SLC49A4: variants seen among roughly 807,000 people sequenced by gnomAD.
SLC49A4 encodes the protein disrupted in renal cancer protein 2.
In SLC49A4, 36 loss-of-function variants were observed where a neutral mutation model predicts 50.6. The observed-to-expected ratio is 0.71, with a 90% CI of 0.55 to 0.94. The LOEUF (loss-of-function observed/expected upper bound fraction) is 0.94, where lower values mean the gene tolerates loss of function less well. Among genes scored for constraint, SLC49A4 ranks in the 40% least tolerant of loss-of-function variants. The pLI, the probability that SLC49A4 is intolerant of heterozygous loss-of-function variation, is 0.00. For missense variants in SLC49A4, 503 were observed against 605.7 expected, an observed-to-expected ratio of 0.83 and a Z score of 1.78; for synonymous variants, 248 against 241.2, an observed-to-expected ratio of 1.03 and a Z score of -0.26.
intron 7 of SLC49A4, among the ~76,000 whole-genome samples, chr3:122,864,286 G>A (rs989479147): frequency 1.3e-5 from 2 of 152,112 alleles, no homozygotes; most frequent in African/African-American, 4.8e-5. Context: ...AGAATAGGGC[G>A]AATAAATAAC....
Position 122,860,191 on chromosome 3 carries a change from C to T in SLC49A4, c.1127C>T (p.Pro376Leu), listed in dbSNP as rs1937042255. Reference protein sequence around the residue: ...LTCLNSITHLPLTTVTLYASC... With the variant: ...LTCLNSITHLLLTTVTLYASC... Reference sequence around the variant, plus strand: ...TGTTTGAACAGCATCACACACCTACCTTTAACCACAGGTGAGCATAGGCTA... The same window carrying T: ...TGTTTGAACAGCATCACACACCTACTTTTAACCACAGGTGAGCATAGGCTA... Residue 376 changes from proline (P) to leucine (L), a missense_variant, in exon 7 of 9, where the codon CCT (proline) becomes CTT (leucine). Pro to Leu is a moderately conservative substitution (Grantham distance 98). Transcript: ENST00000261038. 1 of 1,601,674 alleles carries T rather than the reference C, an allele frequency of 6.2e-7. No individual in the cohort carries two copies.
intron 4 of SLC49A4, among the ~76,000 whole-genome samples, chr3:122,839,914 A>G (rs1199892271): frequency 6.6e-6 from 1 of 152,178 alleles, no homozygotes; most frequent in Non-Finnish European, 1.5e-5. Flanking sequence ...AAAAGTCTTT[A>G]TATGAAAAAG....
At chr3:122,830,234 G>A (rs1051933477) in intron 3 of SLC49A4, among the ~76,000 whole-genome samples, 1 of 152,182 alleles carries the variant, frequency 6.6e-6, no homozygotes, top group Non-Finnish European at 1.5e-5. Context: ...ATATTGTGAA[G>A]ATATCCCCAA....
At chr3:122,871,927 A>G (rs1937200998) in intron 7 of SLC49A4, among the ~76,000 whole-genome samples, 1 of 152,176 alleles carries the variant, frequency 6.6e-6, no homozygotes, top group South Asian at 2.1e-4. Flanking sequence ...AAAATTGAGG[A>G]CTAATTCCAT....
Position 122,795,189 on chromosome 3 carries a change from C to A in SLC49A4, c.-4C>A. On this transcript the variant is annotated 5_prime_UTR_variant, in exon 1 of 9. Transcript: ENST00000261038. ...GGCAGTGGCTTCGCGGGCGACGCGT[C>A]GCCATGGGCTCTCGCTGGAGCAGCG... 1 of 1,315,990 alleles carries A rather than the reference C, an allele frequency of 7.6e-7. No homozygotes were observed. The highest frequency in any genetic ancestry group is 9.6e-7 in the Non-Finnish European group (1 of 1,042,072). The allele number at this position is 1,315,990 out of a possible 1,614,324, so 81.5% of individuals were successfully genotyped here.
rs561052140 is a variant in SLC49A4 at position 122,803,758 on chromosome 3, G to A, written c.344-3099G>A. 3.3e-5 allele frequency among the ~76,000 whole-genome samples: 5 copies of A among 152,186 alleles called. No individual in the cohort carries two copies. The South Asian group carries it at 8.3e-4, about 25-fold the overall frequency. ...GTCAACTCTGCAGCCTGATTCTTTA[G>A]ACATCTGCTGTGGAGATTTCCATTC... On this transcript the variant is annotated intron_variant, in intron 1 of 8. Coordinates refer to ENST00000261038, the MANE Select transcript of SLC49A4 (RefSeq NM_032839.3).
chr3:122,811,825 T>C (rs1245885065), intron 2 of SLC49A4, among the ~76,000 whole-genome samples: 1 of 152,180 alleles, frequency 6.6e-6, no homozygotes, highest in Non-Finnish European at 1.5e-5. Flanking sequence ...TAGTATGTTC[T>C]TACTTGGAAA....
intron 7 of SLC49A4, among the ~76,000 whole-genome samples, chr3:122,863,201 C>T (rs1937077827): frequency 6.6e-6 from 1 of 152,210 alleles, no homozygotes; most frequent in Admixed American, 6.5e-5. Flanking sequence ...GATTTGTCCA[C>T]ATTCCTTCTC....
At position 122,845,821 on chromosome 3, in the gene SLC49A4, G is replaced by A. The variant is rs1936841150; in HGVS notation, c.892G>A (p.Gly298Ser). The A allele has an allele frequency of 1.2e-6, 2 of 1,612,328 alleles. No individual in the cohort carries two copies. Among genetic ancestry groups the A allele is most frequent in the Non-Finnish European group, 1.7e-6 (2 of 1,179,350 alleles). The part of the protein sequence containing the change: ...AYAIPLGVFA[G>S]WSGVLDLILT... ...TGCCATACCACTTGGTGTATTTGCT[G>A]GCTGGTCTGGAGTTCTGGACTTAAT... The change falls in exon 5 of 9, where the codon GGC becomes AGC. Residue 298 changes from glycine to serine, a missense_variant. Physicochemically the swap from Gly to Ser is moderately conservative, Grantham distance 56 (BLOSUM62 0). Transcript: ENST00000261038.
chr3:122,868,798 T>G (rs1937155156), intron 7 of SLC49A4, among the ~76,000 whole-genome samples: 1 of 152,228 alleles, frequency 6.6e-6, no homozygotes, highest in Non-Finnish European at 1.5e-5. Context: ...TCATCACTTT[T>G]ATGGTAATAC....
At chr3:122,870,831 T>G (rs1937187673) in intron 7 of SLC49A4, among the ~76,000 whole-genome samples, 1 of 131,328 alleles carries the variant, frequency 7.6e-6, no homozygotes, top group South Asian at 2.4e-4. Flanking sequence ...ATAATAATAA[T>G]AATAATAATA....
chr3:122,850,687 T>C (rs886895432), intron 5 of SLC49A4, among the ~76,000 whole-genome samples: 2 of 152,102 alleles, frequency 1.3e-5, no homozygotes, highest in African/African-American at 4.8e-5. Context: ...TTTTCAAGTT[T>C]TGTAGAGATG....
chr3:122,816,814 G>C (rs1033584330), intron 2 of SLC49A4, among the ~76,000 whole-genome samples: 2 of 152,166 alleles, frequency 1.3e-5, no homozygotes, highest in African/African-American at 4.8e-5. Context: ...GGAAGAAGCA[G>C]AGCAGGGAGA....
chr3:122,856,501 A>G (rs1936991610), intron 6 of SLC49A4, 127 bp downstream of exon 6: 3 of 854,668 alleles, frequency 3.5e-6, no homozygotes, highest in South Asian at 1.6e-5. Flanking sequence ...AGAAAGGGGT[A>G]CTTGTTCAGA....
intron 5 of SLC49A4, among the ~76,000 whole-genome samples, chr3:122,856,023 A>C (rs1223860148): frequency 2.0e-5 from 3 of 152,214 alleles, no homozygotes; most frequent in African/African-American, 7.2e-5. Flanking sequence ...GGCTGTGACT[A>C]TCTTCCATCC....
chr3:122,871,388 G>A (rs73856735), intron 7 of SLC49A4, among the ~76,000 whole-genome samples: 8,714 of 151,846 alleles, frequency 0.057, 305 homozygotes, highest in African/African-American at 0.09. Flanking sequence ...CATCAGTTAT[G>A]GTAAACTCTG....
chr3:122,812,530 C>T (rs9872909), intron 2 of SLC49A4, among the ~76,000 whole-genome samples: 87,888 of 151,956 alleles, frequency 0.58, 26,141 homozygotes, highest in Non-Finnish European at 0.66. Flanking sequence ...GGGCTCCAAC[C>T]CAGTCCCACT....
intron 4 of SLC49A4, among the ~76,000 whole-genome samples, chr3:122,843,216 TA>T (rs775246577): frequency 2.0e-5 from 3 of 152,172 alleles, no homozygotes; most frequent in Admixed American, 6.5e-5. Flanking sequence ...CTACATGGTT[TA>T]TTTTTTTTTA....
chr3:122,807,089 A>G (rs1299782683), intron 2 of SLC49A4, 139 bp downstream of exon 2: 2 of 523,486 alleles, frequency 3.8e-6, no homozygotes, highest in African/African-American at 2.0e-5. Flanking sequence ...ATTGATATTT[A>G]TCAGTTGTCA....
Sources: allele counts gnomAD v4.1 joint callset (sites outside exome capture counted in the v4.1 genomes callset), GRCh38; gene constraint gnomAD v4.1.1; transcripts MANE v1.5; gene names NCBI Gene and HGNC (gene_info 2026-07-23, HGNC 2026-07-21).